SPTLC3: variants seen among roughly 807,000 people sequenced by gnomAD.
SPTLC3 encodes the protein serine palmitoyltransferase long chain base subunit 3.
In SPTLC3, 36 loss-of-function variants were observed where a neutral mutation model predicts 59.3. That is an observed-to-expected ratio of 0.61 (90% CI 0.47 to 0.80). SPTLC3 has a LOEUF of 0.80. SPTLC3 is among the 30% of genes least tolerant of loss of function. The probability of loss-of-function intolerance (pLI) is 0.00; values close to 1 mark genes in which losing one functional copy is unlikely to be tolerated. For synonymous variants in SPTLC3, 257 were observed against 240.8 expected (o/e 1.07, Z -0.62); for missense variants, 625 against 685.1 (o/e 0.91, Z 0.98).
chr20:13,024,360 T>A (rs992870629), intron 1 of SPTLC3, among the ~76,000 whole-genome samples: 2 of 150,276 alleles, frequency 1.3e-5, no homozygotes, highest in Non-Finnish European at 3.0e-5. Flanking sequence ...CTACCTAGAT[T>A]CTAGTTAGCA....
chr20:13,137,472 T>C (rs1486231158), intron 9 of SPTLC3, among the ~76,000 whole-genome samples: 3 of 152,062 alleles, frequency 2.0e-5, no homozygotes, highest in Admixed American at 2.0e-4. Context: ...ATTATGGTGT[T>C]ATAATATATA....
At chr20:13,060,005 T>A (rs1230222775) in intron 2 of SPTLC3, among the ~76,000 whole-genome samples, 1 of 152,184 alleles carries the variant, frequency 6.6e-6, no homozygotes, top group Admixed American at 6.5e-5. Flanking sequence ...AAGTGGCAAC[T>A]TCGTACTTTC....
intron 1 of SPTLC3, among the ~76,000 whole-genome samples, chr20:13,045,574 G>A (rs1165873296): frequency 1.3e-5 from 2 of 152,080 alleles, no homozygotes; most frequent in African/African-American, 4.8e-5. Context: ...TTTCCAGATA[G>A]CTTTTTTCTC....
At chr20:13,022,343 T>C (rs1985928061) in intron 1 of SPTLC3, among the ~76,000 whole-genome samples, 1 of 152,228 alleles carries the variant, frequency 6.6e-6, no homozygotes, top group Non-Finnish European at 1.5e-5. Flanking sequence ...GCTCCAACTC[T>C]TTTATCTGTG....
chr20:13,159,979 T>C (rs1394742674), intron 10 of SPTLC3, 24 bp from the exon 11 acceptor site: 8 of 1,522,142 alleles, frequency 5.3e-6, no homozygotes, highest in Non-Finnish European at 6.2e-6. Context: ...ACTTTTTTTT[T>C]TTCTTTTTTT....
chr20:13,047,613 C>T (rs1019916194), intron 1 of SPTLC3, among the ~76,000 whole-genome samples: 1 of 151,950 alleles, frequency 6.6e-6, no homozygotes, highest in African/African-American at 2.4e-5. Context: ...TAAATATTAG[C>T]ATTAGAGATA....
At position 13,159,982 on chromosome 20, in the gene SPTLC3, CT is replaced by C. The variant is rs746940296; in HGVS notation, c.1416-14del. On this transcript the variant is annotated intron_variant, in intron 10 of 11. Coordinates refer to ENST00000399002, the MANE Select transcript of SPTLC3 (RefSeq NM_018327.4). ...TCCCAACTAACCACTTTTTTTTTTT[CT>C]TTTTTTGCTTTTCCTTAAGGGCTTT... The C allele has an allele frequency of 4.9e-6, 7 of 1,442,012 alleles. No individual in the cohort carries two copies. Among genetic ancestry groups the C allele is most frequent in the Middle Eastern group, 2.1e-4 (1 of 4,846 alleles). The allele number at this position is 1,442,012 out of a possible 1,614,324, so 89.3% of individuals were successfully genotyped here. A position where few individuals can be genotyped will look rare whatever the true frequency, so the allele number is the denominator to read the frequency against.
At chr20:13,069,074 A>G (rs1368183725) in intron 2 of SPTLC3, among the ~76,000 whole-genome samples, 1 of 152,032 alleles carries the variant, frequency 6.6e-6, no homozygotes, top group African/African-American at 2.4e-5. Context: ...CTGGGAAGCC[A>G]TGGGCTGTTT....
chr20:13,014,088 CAAGACCTCTTTTAT>C (rs1340363310), intron 1 of SPTLC3, among the ~76,000 whole-genome samples: 8 of 152,318 alleles, frequency 5.3e-5, no homozygotes, highest in African/African-American at 1.2e-4. Context: ...ATAGAAACTA[CAAGACCTCTTTTAT>C]GTCCTAGGGA....
intron 4 of SPTLC3, among the ~76,000 whole-genome samples, chr20:13,089,774 AG>A (rs1989145824): frequency 1.4e-5 from 2 of 140,084 alleles, no homozygotes. Flanking sequence ...TGACAGAGCG[AG>A]ATTCTATCTC....
intron 9 of SPTLC3, among the ~76,000 whole-genome samples, chr20:13,146,385 A>G (rs1414881849): frequency 1.3e-5 from 2 of 152,092 alleles, no homozygotes; most frequent in Admixed American, 6.6e-5. Flanking sequence ...ACACGTGTTT[A>G]CCTATGTAAC....
In SPTLC3 at chr20:13,167,673, G is replaced by A. The variant is rs1285512475; in HGVS notation, c.*2806G>A. 2.0e-5 allele frequency: 3 copies of A among 152,136 alleles called. No individual in the cohort carries two copies. Among genetic ancestry groups the A allele is most frequent in the Non-Finnish European group, 4.4e-5 (3 of 68,026 alleles). 9.4% of individuals were successfully genotyped at this position (152,136 alleles called of 1,614,324 possible). A position where few individuals can be genotyped will look rare whatever the true frequency, so the allele number is the denominator to read the frequency against. ...CTCATTATGAAACGATGGTGTCATG[G>A]ACGTTTAACCATATTGCCTTTCAGC... is the stretch of plus-strand genomic sequence containing the variant. On this transcript the variant is annotated 3_prime_UTR_variant, in exon 12 of 12. Coordinates refer to ENST00000399002, the MANE Select transcript of SPTLC3 (RefSeq NM_018327.4).
chr20:13,049,064 C>CAGAG lies in SPTLC3; in HGVS notation c.239_242dup (p.Asp81GlufsTer32). The CAGAG allele has an allele frequency of 6.2e-7, 1 of 1,613,832 alleles. No homozygotes were observed. The highest frequency in any genetic ancestry group is 8.5e-7 in the Non-Finnish European group (1 of 1,179,864). On this transcript the variant is annotated frameshift_variant, in exon 2 of 12. Transcript: ENST00000399002. LOFTEE classifies it high-confidence loss of function. ...GAATTGGAACCCTGTTTGGCTATCT[C>CAGAG]AGAGACTTTTTAAGAAACTGGGGAA...
intron 1 of SPTLC3, among the ~76,000 whole-genome samples, chr20:13,010,053 TCAC>T (rs1568561410): frequency 2.7e-5 from 4 of 148,978 alleles, no homozygotes; most frequent in African/African-American, 2.5e-5. Context: ...TTTTTTTTTT[TCAC>T]TCTTATTGCA....
chr20:13,053,788 C>T (rs1174406567), intron 2 of SPTLC3, among the ~76,000 whole-genome samples: 2 of 151,920 alleles, frequency 1.3e-5, no homozygotes, highest in African/African-American at 4.8e-5. Flanking sequence ...GAAAGGATAT[C>T]AGAGATTGAA....
intron 4 of SPTLC3, among the ~76,000 whole-genome samples, chr20:13,089,801 A>AC (rs1163650134): frequency 1.3e-5 from 2 of 149,588 alleles, no homozygotes; most frequent in African/African-American, 5.0e-5. Context: ...AAAAAAAAAA[A>AC]AAACAAAACA....
rs1384629203 is a variant in SPTLC3 at position 13,117,570 on chromosome 20, C to G, written c.997C>G (p.Leu333Val). 2 of 1,613,592 alleles carry G rather than the reference C, an allele frequency of 1.2e-6. No homozygotes were observed. The highest frequency in any genetic ancestry group is 1.7e-6 in the Non-Finnish European group (2 of 1,179,802). ...IALKKKYKAY[L>V]YIDEAHSIGA... ...TCTAAAGAAGAAATACAAGGCTTAC[C>G]TCTACATAGATGAAGCTCACAGTAT... Residue 333 changes from leucine to valine, a missense_variant, in exon 8 of 12, where the codon CTC (leucine) becomes GTC (valine). Transcript: ENST00000399002.
chr20:13,149,119 T>C (rs2038584369), intron 9 of SPTLC3, among the ~76,000 whole-genome samples: 1 of 152,164 alleles, frequency 6.6e-6, no homozygotes, highest in Non-Finnish European at 1.5e-5. Flanking sequence ...ACAAAATAAA[T>C]ACTTACGGAA....
intron 9 of SPTLC3, among the ~76,000 whole-genome samples, chr20:13,144,764 T>A (rs924888521): frequency 2.3e-4 from 35 of 152,126 alleles, no homozygotes; most frequent in Non-Finnish European, 2.2e-4. Flanking sequence ...TGTGTGTGTG[T>A]GTGTATATAT....
Sources: allele counts gnomAD v4.1 joint callset (sites outside exome capture counted in the v4.1 genomes callset), GRCh38; gene constraint gnomAD v4.1.1; transcripts MANE v1.5; gene names NCBI Gene and HGNC (gene_info 2026-07-23, HGNC 2026-07-21).